ST6GALNAC3: variants seen among roughly 807,000 people sequenced by gnomAD.
ST6GALNAC3 encodes the protein ST6 N-acetylgalactosaminide alpha-2,6-sialyltransferase 3, also known as alpha-N-acetylgalactosaminide alpha-2,6-sialyltransferase 3.
Under a neutral mutation model 32.7 loss-of-function variants are expected in ST6GALNAC3, and 25 were observed. The ratio of observed to expected loss-of-function variants is 0.76; its 90% CI spans 0.56 to 1.07. The LOEUF (loss-of-function observed/expected upper bound fraction) is 1.07. Ranked by LOEUF, ST6GALNAC3 falls within the 50% of genes least tolerant of loss-of-function variation. ST6GALNAC3 has a pLI of 0.00. For synonymous variants in ST6GALNAC3, 129 were observed against 133.1 expected (o/e 0.97, Z 0.21); for missense variants, 355 against 382.4 (o/e 0.93, Z 0.60).
At chr1:76,551,283 A>C (rs1168985499) in intron 3 of ST6GALNAC3, among the ~76,000 whole-genome samples, 2 of 152,188 alleles carry the variant, frequency 1.3e-5, no homozygotes, top group Middle Eastern at 3.2e-3. Context: ...TTGATTGAAA[A>C]CACAAATGTC....
At chr1:76,441,162 C>A (rs1656571043) in intron 3 of ST6GALNAC3, among the ~76,000 whole-genome samples, 1 of 150,664 alleles carries the variant, frequency 6.6e-6, no homozygotes, top group Non-Finnish European at 1.5e-5. Context: ...ATAATATGGA[C>A]TTGCTCAACA....
intron 3 of ST6GALNAC3, among the ~76,000 whole-genome samples, chr1:76,549,372 A>G (rs1444061819): frequency 1.3e-5 from 2 of 152,138 alleles, no homozygotes; most frequent in South Asian, 2.1e-4. Flanking sequence ...TACTATGACT[A>G]TATATGTACA....
At chr1:76,270,934 AG>A (rs1274135555) in intron 1 of ST6GALNAC3, among the ~76,000 whole-genome samples, 1 of 152,198 alleles carries the variant, frequency 6.6e-6, no homozygotes, top group African/African-American at 2.4e-5. Context: ...TTTTATTGTC[AG>A]TGTGCTTGAA....
chr1:76,542,147 T>A lies in ST6GALNAC3; in HGVS notation c.624-85305T>A, dbSNP rs181563892. Among the ~76,000 whole-genome samples, 408 of 152,328 alleles carry A rather than the reference T, an allele frequency of 2.7e-3. 2 individuals are homozygous for A. The highest frequency in any genetic ancestry group is 3.3e-3 in the Non-Finnish European group (222 of 68,022). Reference sequence around the variant, plus strand: ...CCACAGAAGTTTCTTAGACTCACTGTCATATCTGGATACTTTAATCTCAGA... The same window carrying A: ...CCACAGAAGTTTCTTAGACTCACTGACATATCTGGATACTTTAATCTCAGA... On this transcript the variant is annotated intron_variant, in intron 3 of 4. Coordinates refer to ENST00000328299, the MANE Select transcript of ST6GALNAC3 (RefSeq NM_152996.4).
intron 1 of ST6GALNAC3, among the ~76,000 whole-genome samples, chr1:76,298,689 C>G (rs905160237): frequency 6.6e-6 from 1 of 152,010 alleles, no homozygotes; most frequent in Non-Finnish European, 1.5e-5. Flanking sequence ...CTAAAAGTCC[C>G]TAACGTATTT....
chr1:76,118,235 C>T (rs1372717227), intron 1 of ST6GALNAC3, among the ~76,000 whole-genome samples: 4 of 152,134 alleles, frequency 2.6e-5, no homozygotes, highest in Admixed American at 6.5e-5. Flanking sequence ...TGAGAACATG[C>T]GGTGTTGGGT....
At chr1:76,381,333 C>T (rs949678657) in intron 2 of ST6GALNAC3, among the ~76,000 whole-genome samples, 1 of 151,904 alleles carries the variant, frequency 6.6e-6, no homozygotes, top group Non-Finnish European at 1.5e-5. Context: ...TTGATATAGA[C>T]AACATTTGGA....
intron 2 of ST6GALNAC3, among the ~76,000 whole-genome samples, chr1:76,327,275 C>CGTGTGTGTGTGTGTGT (rs3079480): frequency 1.4e-4 from 19 of 138,756 alleles, no homozygotes; most frequent in African/African-American, 3.6e-4. Flanking sequence ...TGTATATATG[C>CGTGTGTGTGTGTGTGT]GTGTGTGTGT....
chr1:76,291,756 A>T (rs1050442532), intron 1 of ST6GALNAC3, among the ~76,000 whole-genome samples: 6 of 57,026 alleles, frequency 1.1e-4, no homozygotes, highest in South Asian at 5.2e-4. Context: ...GGAATTTAAT[A>T]AAAAAAAAGG....
At chr1:76,600,548 C>CA (rs974367040) in intron 3 of ST6GALNAC3, among the ~76,000 whole-genome samples, 1 of 152,104 alleles carries the variant, frequency 6.6e-6, no homozygotes, top group East Asian at 1.9e-4. Flanking sequence ...CATTCCCCTC[C>CA]AAAAAAGTCT....
chr1:76,482,329 C>T (rs981167062), intron 3 of ST6GALNAC3, among the ~76,000 whole-genome samples: 2 of 151,424 alleles, frequency 1.3e-5, no homozygotes, highest in African/African-American at 4.9e-5. Context: ...AAAAGGAAGA[C>T]AAAAAAAAGA....
At chr1:76,522,136 TCTA>T (rs1662581528) in intron 3 of ST6GALNAC3, among the ~76,000 whole-genome samples, 1 of 152,090 alleles carries the variant, frequency 6.6e-6, no homozygotes, top group Non-Finnish European at 1.5e-5. Context: ...TTATATCATT[TCTA>T]CTGAGAAGTC....
intron 1 of ST6GALNAC3, among the ~76,000 whole-genome samples, chr1:76,188,636 A>G (rs430875): frequency 0.14 from 20,903 of 152,242 alleles, 1,702 homozygotes; most frequent in Non-Finnish European, 0.19. Context: ...ACTCTCCCCC[A>G]AAACCTAACT....
intron 1 of ST6GALNAC3, among the ~76,000 whole-genome samples, chr1:76,111,961 C>CA: frequency 6.6e-6 from 1 of 152,274 alleles, no homozygotes; most frequent in African/African-American, 2.4e-5. Context: ...GAGTACACCT[C>CA]CCAGACGGGG....
At chr1:76,141,683 G>A (rs376633676) in intron 1 of ST6GALNAC3, among the ~76,000 whole-genome samples, 1 of 152,122 alleles carries the variant, frequency 6.6e-6, no homozygotes, top group South Asian at 2.1e-4. Context: ...TTATAACAAA[G>A]TTTTTGGGGA....
chr1:76,364,282 C>T (rs191809363), intron 2 of ST6GALNAC3, among the ~76,000 whole-genome samples: 1 of 152,266 alleles, frequency 6.6e-6, no homozygotes, highest in East Asian at 1.9e-4. Flanking sequence ...GGCGCGGTGG[C>T]TCATGCCTAT....
At chr1:76,510,081 G>A (rs955983402) in intron 3 of ST6GALNAC3, among the ~76,000 whole-genome samples, 1 of 152,164 alleles carries the variant, frequency 6.6e-6, no homozygotes, top group Non-Finnish European at 1.5e-5. Context: ...GACTGATCCT[G>A]TAGGGCACAG....
At chr1:76,231,317 T>A (rs938503687) in intron 1 of ST6GALNAC3, among the ~76,000 whole-genome samples, 1 of 152,232 alleles carries the variant, frequency 6.6e-6, no homozygotes, top group Non-Finnish European at 1.5e-5. Flanking sequence ...AAAATTTTTT[T>A]TTATTATTTT....
At chr1:76,178,167 C>T (rs1652962006) in intron 1 of ST6GALNAC3, among the ~76,000 whole-genome samples, 1 of 152,198 alleles carries the variant, frequency 6.6e-6, no homozygotes, top group African/African-American at 2.4e-5. Context: ...GAAGATTAAA[C>T]ATTAATTAAA....
Sources: allele counts gnomAD v4.1 joint callset (sites outside exome capture counted in the v4.1 genomes callset), GRCh38; gene constraint gnomAD v4.1.1; transcripts MANE v1.5; gene names NCBI Gene and HGNC (gene_info 2026-07-23, HGNC 2026-07-21).